The following CFAP54 variants were observed in gnomAD, a reference collection of about 807,000 sequenced individuals.
The protein encoded by CFAP54 is cilia- and flagella-associated protein 54.
In CFAP54, 290 loss-of-function variants were observed where a neutral mutation model predicts 370.4. That is an observed-to-expected ratio of 0.78 (90% CI 0.71 to 0.86). The LOEUF (loss-of-function observed/expected upper bound fraction) is 0.86, where lower values mean the gene tolerates loss of function less well. Ranked by LOEUF, CFAP54 falls within the 40% of genes least tolerant of loss-of-function variation. CFAP54 has a pLI of 0.00. For missense variants in CFAP54, 3,399 were observed against 3,528.7 expected (o/e 0.96, Z 0.93); for synonymous variants, 1,206 against 1,236.5 (o/e 0.98, Z 0.52).
At chr12:96,769,904 G>A (rs1156919378) in intron 60 of CFAP54, among the ~76,000 whole-genome samples, 2 of 152,172 alleles carry the variant, frequency 1.3e-5, no homozygotes, top group Non-Finnish European at 2.9e-5. Flanking sequence ...GGGCTTTAAT[G>A]TATGTTTTGC....
At position 96,521,988 on chromosome 12, in the gene CFAP54, A is replaced by C. The variant is rs1240243729; in HGVS notation, c.1056+18A>C. On this transcript the variant is annotated intron_variant, in intron 7 of 67. Transcript: ENST00000524981. Reference sequence around the variant, plus strand: ...CAATGAAGGTATAAAAATTTCATGAAATAAAAGAAATTTACCACACTCTAC... The same window carrying C: ...CAATGAAGGTATAAAAATTTCATGACATAAAAGAAATTTACCACACTCTAC... 8.5e-6 allele frequency: 13 copies of C among 1,526,652 alleles called. No individual in the cohort carries two copies. Among genetic ancestry groups the C allele is most frequent in the Non-Finnish European group, 1.1e-5 (13 of 1,139,348 alleles). The allele number at this position is 1,526,652 out of a possible 1,614,324, so 94.6% of individuals were successfully genotyped here.
At chr12:96,501,743 A>C (rs752696210) in intron 2 of CFAP54, among the ~76,000 whole-genome samples, 2 of 152,178 alleles carry the variant, frequency 1.3e-5, no homozygotes, top group Admixed American at 6.5e-5. Context: ...TCTGGACTTT[A>C]ATCCTCTTGG....
chr12:96,692,367 A>G (rs1957397543), intron 44 of CFAP54, among the ~76,000 whole-genome samples: 1 of 151,160 alleles, frequency 6.6e-6, no homozygotes, highest in Non-Finnish European at 1.5e-5. Flanking sequence ...ATATTCGTAT[A>G]TAATACATAT....
intron 17 of CFAP54, among the ~76,000 whole-genome samples, chr12:96,559,421 T>C (rs115963361): frequency 6.6e-6 from 1 of 152,094 alleles, no homozygotes; most frequent in East Asian, 1.9e-4. Context: ...AATTAAAAAG[T>C]TAACTGTGGT....
chr12:96,727,660 C>T (rs1957860026), intron 50 of CFAP54, among the ~76,000 whole-genome samples: 1 of 151,956 alleles, frequency 6.6e-6, no homozygotes, highest in South Asian at 2.1e-4. Context: ...TTAATTGGAG[C>T]ACTTAGTCCA....
At chr12:96,757,439 A>T in intron 57 of CFAP54, 56 bp from the exon 58 acceptor site, 1 of 993,128 alleles carries the variant, frequency 1.0e-6, no homozygotes, top group Non-Finnish European at 1.5e-6. Flanking sequence ...GGCAAATGAT[A>T]CCAATGATTA....
intron 30 of CFAP54, among the ~76,000 whole-genome samples, chr12:96,627,492 G>T (rs903491291): frequency 3.3e-5 from 5 of 152,172 alleles, no homozygotes; most frequent in African/African-American, 1.2e-4. Flanking sequence ...TTTATCAACT[G>T]AGAGTGGGCT....
chr12:96,583,205 T>G (rs1956047198), intron 22 of CFAP54, among the ~76,000 whole-genome samples: 1 of 152,198 alleles, frequency 6.6e-6, no homozygotes. Context: ...CTGGAAATTT[T>G]TTTTTGAGGA....
intron 66 of CFAP54, among the ~76,000 whole-genome samples, chr12:96,837,037 G>A (rs1334517709): frequency 3.3e-5 from 5 of 152,074 alleles, no homozygotes; most frequent in Non-Finnish European, 7.4e-5. Context: ...GCCCAGGCTG[G>A]TCTCCCACTC....
chr12:96,517,666 A>G (rs1473081736), intron 5 of CFAP54, among the ~76,000 whole-genome samples: 1 of 152,252 alleles, frequency 6.6e-6, no homozygotes, highest in Non-Finnish European at 1.5e-5. Context: ...CAACAAAAAC[A>G]GCAAGGAATC....
chr12:96,513,649 G>A (rs1291883036), intron 5 of CFAP54, among the ~76,000 whole-genome samples: 1 of 152,178 alleles, frequency 6.6e-6, no homozygotes, highest in Non-Finnish European at 1.5e-5. Flanking sequence ...GCTGAGGTGG[G>A]AAGATTGCTT....
chr12:96,641,085 T>C (rs1223593874), intron 32 of CFAP54, among the ~76,000 whole-genome samples: 3 of 152,066 alleles, frequency 2.0e-5, no homozygotes, highest in African/African-American at 7.2e-5. Flanking sequence ...TGGGATCTAA[T>C]TAAACTAAAG....
intron 32 of CFAP54, among the ~76,000 whole-genome samples, chr12:96,639,198 G>T (rs911648691): frequency 6.6e-6 from 1 of 152,034 alleles, no homozygotes; most frequent in Admixed American, 6.6e-5. Flanking sequence ...TAGTAAAGAA[G>T]AAAAGAGAGA....
At chr12:96,818,758 G>T (rs1959002016) in intron 65 of CFAP54, among the ~76,000 whole-genome samples, 1 of 152,192 alleles carries the variant, frequency 6.6e-6, no homozygotes, top group South Asian at 2.1e-4. Flanking sequence ...AGCCCAGAAG[G>T]GGTTGAGCCT....
intron 50 of CFAP54, among the ~76,000 whole-genome samples, chr12:96,726,817 C>G (rs1165921888): frequency 6.6e-6 from 1 of 151,828 alleles, no homozygotes; most frequent in Non-Finnish European, 1.5e-5. Flanking sequence ...GCATTTAGTG[C>G]TATAAATTTC....
At chr12:96,658,967 G>A (rs963820623) in intron 38 of CFAP54, among the ~76,000 whole-genome samples, 1 of 152,128 alleles carries the variant, frequency 6.6e-6, no homozygotes, top group African/African-American at 2.4e-5. Flanking sequence ...AGATGTGTGG[G>A]AATTTCTCCC....
intron 63 of CFAP54, among the ~76,000 whole-genome samples, chr12:96,798,710 A>G (rs956904110): frequency 6.6e-6 from 1 of 152,210 alleles, no homozygotes; most frequent in South Asian, 2.1e-4. Context: ...AGAGATAACT[A>G]TAAACTCCTA....
chr12:96,517,332 C>A (rs563766117), intron 5 of CFAP54, among the ~76,000 whole-genome samples: 1 of 152,218 alleles, frequency 6.6e-6, no homozygotes, highest in Non-Finnish European at 1.5e-5. Flanking sequence ...CTTTTAAGAT[C>A]TCTTCTGGCA....
intron 67 of CFAP54, among the ~76,000 whole-genome samples, chr12:96,863,731 T>C (rs34456): frequency 0.95 from 145,144 of 152,338 alleles, 69,193 homozygotes; most frequent in East Asian, 1. Flanking sequence ...TATCAGTTAT[T>C]TGTGCTAATA....
Sources: allele counts gnomAD v4.1 joint callset (sites outside exome capture counted in the v4.1 genomes callset), GRCh38; gene constraint gnomAD v4.1.1; transcripts MANE v1.5; gene names NCBI Gene and HGNC (gene_info 2026-07-23, HGNC 2026-07-21).